SNTB2: variants seen among roughly 807,000 people sequenced by gnomAD.
SNTB2 encodes the protein beta-2-syntrophin.
SNTB2 carries 34 observed loss-of-function variants against 46.2 expected under a neutral mutation model. The observed-to-expected ratio is 0.74, with a 90% CI of 0.56 to 0.98. The LOEUF (loss-of-function observed/expected upper bound fraction) is 0.98, where lower values mean the gene tolerates loss of function less well. Among genes scored for constraint, SNTB2 ranks in the 50% least tolerant of loss-of-function variants. SNTB2 has a pLI of 0.00. For synonymous variants in SNTB2, 290 were observed against 312.6 expected (o/e 0.93, Z 0.76); for missense variants, 603 against 731.4 (o/e 0.82, Z 2.02).
chr16:69,266,755 T>G (rs1418786963), intron 3 of SNTB2, among the ~76,000 whole-genome samples: 3 of 152,228 alleles, frequency 2.0e-5, no homozygotes, highest in East Asian at 3.9e-4. Context: ...CTCACTCTGT[T>G]GCCCAGGCTG....
intron 1 of SNTB2, among the ~76,000 whole-genome samples, chr16:69,194,430 C>T (rs1161619928): frequency 1.3e-5 from 2 of 152,004 alleles, no homozygotes; most frequent in African/African-American, 4.8e-5. Context: ...GTGGACTGTA[C>T]CAGCCAAGAA....
At chr16:69,217,595 C>T (rs998907814) in intron 1 of SNTB2, among the ~76,000 whole-genome samples, 22 of 152,210 alleles carry the variant, frequency 1.4e-4, no homozygotes, top group Non-Finnish European at 2.9e-4. Flanking sequence ...AGTGAGCAAG[C>T]TTGAGTTCTG....
chr16:69,190,219 T>G (rs557654148), intron 1 of SNTB2, among the ~76,000 whole-genome samples: 4 of 152,304 alleles, frequency 2.6e-5, no homozygotes, highest in African/African-American at 9.6e-5. Context: ...GTCCTTCCAT[T>G]AGATGTCTGA....
intron 1 of SNTB2, among the ~76,000 whole-genome samples, chr16:69,228,727 A>G (rs537527226): frequency 5.9e-5 from 9 of 152,208 alleles, no homozygotes; most frequent in Non-Finnish European, 1.2e-4. Flanking sequence ...ATACATACAC[A>G]CTAAGTAAGT....
chr16:69,231,999 A>G (rs781501714), intron 1 of SNTB2, among the ~76,000 whole-genome samples: 10 of 152,156 alleles, frequency 6.6e-5, no homozygotes, highest in Admixed American at 1.3e-4. Flanking sequence ...TACCAAGGGG[A>G]ATTTATACAG....
At chr16:69,259,812 G>C (rs940777123) in intron 2 of SNTB2, among the ~76,000 whole-genome samples, 3 of 150,160 alleles carry the variant, frequency 2.0e-5, no homozygotes, top group African/African-American at 7.4e-5. Flanking sequence ...GTTTCACCGT[G>C]TTGCCCAGGC....
chr16:69,211,904 T>G (rs1281501006), intron 1 of SNTB2, among the ~76,000 whole-genome samples: 1 of 152,246 alleles, frequency 6.6e-6, no homozygotes, highest in Non-Finnish European at 1.5e-5. Flanking sequence ...GTGGTGATCT[T>G]AAGCTCTGCT....
At chr16:69,296,273 T>C (rs1161832918) in intron 5 of SNTB2, among the ~76,000 whole-genome samples, 4 of 151,752 alleles carry the variant, frequency 2.6e-5, no homozygotes, top group South Asian at 2.1e-4. Flanking sequence ...AGAGTGAAAC[T>C]CCGTCTCAAA....
At chr16:69,219,337 A>C (rs1170353436) in intron 1 of SNTB2, among the ~76,000 whole-genome samples, 1 of 152,230 alleles carries the variant, frequency 6.6e-6, no homozygotes, top group African/African-American at 2.4e-5. Context: ...ATGTTAATTT[A>C]ATGGCTGGAT....
At position 69,284,083 on chromosome 16, in the gene SNTB2, C is replaced by T. The variant is rs1965076868; in HGVS notation, c.1184C>T (p.Ser395Phe). The T allele has an allele frequency of 6.2e-7, 1 of 1,613,728 alleles. No homozygotes were observed. Residue 395 changes from serine to phenylalanine, a missense_variant, in exon 5 of 7, where the codon TCC (serine) becomes TTC (phenylalanine). Physicochemically the swap from Ser to Phe is radical, Grantham distance 155. Transcript: ENST00000336278. ...TCTGGCTCCGGATGTCGATCCCCCT[C>T]CCTTGGATCTGACCTTACATTTGCT... is the stretch of plus-strand genomic sequence containing the variant. Reference protein sequence around the residue: ...VHSGSGCRSPSLGSDLTFATR... With the variant: ...VHSGSGCRSPFLGSDLTFATR...
intron 2 of SNTB2, among the ~76,000 whole-genome samples, chr16:69,259,644 C>T: frequency 6.8e-6 from 1 of 147,536 alleles, no homozygotes; most frequent in Non-Finnish European, 1.5e-5. Flanking sequence ...CGCTCTGTCG[C>T]CCAGGCTGGA....
chr16:69,275,437 TG>T (rs536692630), intron 4 of SNTB2, among the ~76,000 whole-genome samples: 82 of 152,242 alleles, frequency 5.4e-4, no homozygotes, highest in Admixed American at 1.4e-3. Context: ...GAAGTACTGG[TG>T]GATTAGAATA....
At chr16:69,292,390 TTATATATATATATATATTA>T in intron 5 of SNTB2, among the ~76,000 whole-genome samples, 1 of 12,764 alleles carries the variant, frequency 7.8e-5, no homozygotes, top group South Asian at 4.0e-3. Flanking sequence ...TATATATATA[TTATATATATATATATATTA>T]TATATATATT....
At chr16:69,229,540 C>T (rs1470669018) in intron 1 of SNTB2, among the ~76,000 whole-genome samples, 1 of 144,506 alleles carries the variant, frequency 6.9e-6, no homozygotes, top group African/African-American at 2.6e-5. Context: ...TGTAGTGGTA[C>T]AGTAATAGCT....
chr16:69,187,660 C>A lies in SNTB2; in HGVS notation c.494C>A (p.Ser165Ter). 3 of 1,541,764 alleles carry A rather than the reference C, an allele frequency of 1.9e-6. No homozygotes were observed. Among genetic ancestry groups the A allele is most frequent in the Non-Finnish European group, 2.6e-6 (3 of 1,149,472 alleles). The change falls in exon 1 of 7, where the codon TCG (serine) becomes TAG (stop). Residue 165 changes from serine to a stop codon, truncating the protein, a stop_gained. Transcript: ENST00000336278. LOFTEE classifies it high-confidence loss of function. ...CTGCGGCTGGGCGACGCCATCCTGT[C>A]GGTGAACGGCACCGACCTGCGCCAG... ...RALRLGDAIL[S>*]VNGTDLRQAT...
intron 1 of SNTB2, among the ~76,000 whole-genome samples, chr16:69,229,256 G>C (rs534353726): frequency 4.7e-4 from 71 of 152,154 alleles, no homozygotes; most frequent in African/African-American, 1.7e-3. Context: ...TGTAGCCTCA[G>C]CCACCCAGGC....
intron 5 of SNTB2, among the ~76,000 whole-genome samples, chr16:69,294,220 G>T (rs542046062): frequency 2.0e-5 from 3 of 152,054 alleles, no homozygotes; most frequent in Non-Finnish European, 4.4e-5. Context: ...ATCTCACTAT[G>T]TTGCCTAGAC....
chr16:69,189,959 T>TA (rs1359975426), intron 1 of SNTB2, among the ~76,000 whole-genome samples: 2 of 152,354 alleles, frequency 1.3e-5, no homozygotes, highest in African/African-American at 4.8e-5. Context: ...TCCCACTTTG[T>TA]ACAAGACAAG....
chr16:69,292,435 T>TATATATATATATATATA, intron 5 of SNTB2, among the ~76,000 whole-genome samples: 1 of 10,500 alleles, frequency 9.5e-5, no homozygotes, highest in African/African-American at 4.4e-4. Flanking sequence ...TATATATATA[T>TATATATATATATATATA]TATATATATA....
Sources: gnomAD v4.1 joint callset for allele counts (sites outside exome capture counted in the v4.1 genomes callset) on GRCh38, gnomAD v4.1.1 for gene constraint, MANE v1.5 for transcripts, NCBI Gene and HGNC (gene_info 2026-07-23, HGNC 2026-07-21) for gene names.